The following TXNL4A variants were observed in gnomAD, a reference collection of about 807,000 sequenced individuals.
TXNL4A encodes thioredoxin-like protein 4A.
In TXNL4A, 17 loss-of-function variants were observed where a neutral mutation model predicts 14.6. The observed-to-expected ratio is 1.16, with a 90% CI of 0.80 to 1.74. The LOEUF is 1.74. TXNL4A is among the 40% of genes most tolerant of loss of function. TXNL4A has a pLI of 0.00. For synonymous variants in TXNL4A, 83 were observed against 70.6 expected, an observed-to-expected ratio of 1.18 and a Z score of -0.88; for missense variants, 74 against 195.2, an observed-to-expected ratio of 0.38 and a Z score of 3.70.
chr18:79,973,976 A>T, intron 2 of TXNL4A, 120 bp from the exon 3 acceptor site: 1 of 1,366,072 alleles, frequency 7.3e-7, no homozygotes, highest in Non-Finnish European at 9.9e-7. Context: ...TGAAGAACGC[A>T]TAAAATCGAG....
At chr18:80,033,390 T>C (rs553978412) in intron 1 of TXNL4A, among the ~76,000 whole-genome samples, 3 of 152,076 alleles carry the variant, frequency 2.0e-5, no homozygotes, top group Admixed American at 2.0e-4. Flanking sequence ...CGCGCTCACT[T>C]CTCTTTCCAC....
intron 2 of TXNL4A, 112 bp downstream of exon 2, chr18:79,977,486 A>T (rs2051396377): frequency 1.2e-6 from 1 of 865,004 alleles, no homozygotes; most frequent in South Asian, 1.5e-5. Flanking sequence ...ATTTTGGGAC[A>T]TGACTGTACA....
intron 1 of TXNL4A, among the ~76,000 whole-genome samples, chr18:80,000,322 A>G (rs1423764021): frequency 6.6e-6 from 1 of 152,178 alleles, no homozygotes; most frequent in East Asian, 1.9e-4. Flanking sequence ...AGATGGAGAG[A>G]AGGAACTTGT....
Position 79,982,607 on chromosome 18 carries a change from G to GC in TXNL4A, c.154-4907dup, listed in dbSNP as rs375448076. The stretch of plus-strand genomic sequence containing the variant: ...GAGACTCCGGGGAGCTGTGCCGAGT[G>GC]CCCCAGAGAGGTTACCAGAAAGGAC... On this transcript the variant is annotated intron_variant, in intron 1 of 2. Coordinates refer to ENST00000269601, the MANE Select transcript of TXNL4A (RefSeq NM_006701.5). This position sits in a 1 kb window ranked among gnomAD's most constrained non-coding sequence, Gnocchi z 4.0. 1.2e-3 allele frequency among the ~76,000 whole-genome samples: 189 copies of GC among 152,290 alleles called. No individual in the cohort carries two copies. Among genetic ancestry groups the GC allele is most frequent in the African/African-American group, 4.4e-3 (183 of 41,556 alleles).
chr18:79,989,326 T>C (rs1001484801), upstream of TXNL4A, among the ~76,000 whole-genome samples: 1 of 151,954 alleles, frequency 6.6e-6, no homozygotes, highest in Non-Finnish European at 1.5e-5. Context: ...GCCAGGCTGG[T>C]CTTGAACTCC....
chr18:79,994,141 ATACT>A (rs1316964597), intron 1 of TXNL4A, among the ~76,000 whole-genome samples: 2 of 152,212 alleles, frequency 1.3e-5, no homozygotes, highest in African/African-American at 2.4e-5. Context: ...TACATGCAAA[ATACT>A]TACGGCAAAT....
chr18:80,003,318 C>T (rs1381444034), intron 1 of TXNL4A, among the ~76,000 whole-genome samples: 1 of 152,332 alleles, frequency 6.6e-6, no homozygotes, highest in Middle Eastern at 3.4e-3. Flanking sequence ...CAGTGTGACA[C>T]CCCACCAGGT....
intron 1 of TXNL4A, among the ~76,000 whole-genome samples, chr18:80,005,326 G>C (rs969167601): frequency 2.0e-5 from 3 of 152,224 alleles, no homozygotes; most frequent in South Asian, 2.1e-4. Context: ...AGCTCCCCTG[G>C]GGGGAGAAAA....
chr18:79,990,398 G>A (rs920965780), upstream of TXNL4A, among the ~76,000 whole-genome samples: 1 of 152,152 alleles, frequency 6.6e-6, no homozygotes, highest in Non-Finnish European at 1.5e-5. Context: ...GGCGTGTTCA[G>A]GTTCATCTGT....
chr18:79,977,976 C>T (rs2051405072), intron 1 of TXNL4A: 3 of 384,394 alleles, frequency 7.8e-6, no homozygotes, highest in Admixed American at 4.2e-5. Context: ...GCCAACGGGG[C>T]AATTTTCAAA....
intron 1 of TXNL4A, among the ~76,000 whole-genome samples, chr18:79,984,673 C>T (rs975523596): frequency 6.6e-6 from 1 of 151,980 alleles, no homozygotes. Context: ...TGGAGTGCAA[C>T]GGCACGATGA....
intron 1 of TXNL4A, among the ~76,000 whole-genome samples, chr18:80,015,040 G>C (rs1249737365): frequency 1.3e-5 from 2 of 152,162 alleles, no homozygotes; most frequent in Non-Finnish European, 2.9e-5. Flanking sequence ...TGGGACACAG[G>C]GCACCAAGTC....
intron 1 of TXNL4A, among the ~76,000 whole-genome samples, chr18:79,995,705 G>A (rs892534655): frequency 2.6e-5 from 4 of 152,280 alleles, no homozygotes; most frequent in Admixed American, 1.3e-4. Flanking sequence ...CAAGTTATGC[G>A]TTTACAGTTA....
At chr18:80,000,286 A>C (rs1475461542) in intron 1 of TXNL4A, among the ~76,000 whole-genome samples, 4 of 152,232 alleles carry the variant, frequency 2.6e-5, no homozygotes, top group African/African-American at 9.6e-5. Context: ...TGATATGGAC[A>C]ATGAAATCCA....
chr18:79,973,681 C>T lies in TXNL4A; in HGVS notation c.*4G>A, dbSNP rs183370064. ...GACATTTATCCGCGCAGACTGAGGG[C>T]GCCTCAGTAGCGGTACTTGGTGGAG... is the stretch of plus-strand genomic sequence containing the variant. On this transcript the variant is annotated 3_prime_UTR_variant, in exon 3 of 3. Transcript: ENST00000269601. 5.0e-6 allele frequency: 8 copies of T among 1,608,390 alleles called. No individual in the cohort carries two copies. Among genetic ancestry groups the T allele is most frequent in the African/African-American group, 4.0e-5 (3 of 74,780 alleles).
chr18:80,001,566 C>T (rs1332463748), intron 1 of TXNL4A, among the ~76,000 whole-genome samples: 2 of 152,238 alleles, frequency 1.3e-5, no homozygotes, highest in Middle Eastern at 3.2e-3. Flanking sequence ...TGCAAAGCCA[C>T]AGGGCAGAAC....
Sources: allele counts gnomAD v4.1 joint callset (sites outside exome capture counted in the v4.1 genomes callset), GRCh38; gene constraint gnomAD v4.1.1; non-coding constraint Gnocchi (gnomAD v3.1); transcripts MANE v1.5; gene names NCBI Gene and HGNC (gene_info 2026-07-23, HGNC 2026-07-21).